Variants in UGT1A6 observed in about 807,000 individuals in gnomAD.
UGT1A6 encodes UDP-glucuronosyltransferase 1A6.
In UGT1A6, 32 loss-of-function variants were observed where a neutral mutation model predicts 44.4. The ratio of observed to expected loss-of-function variants is 0.72; its 90% CI spans 0.54 to 0.97. The LOEUF (loss-of-function observed/expected upper bound fraction) is 0.97. Ranked by LOEUF, UGT1A6 falls within the 50% of genes least tolerant of loss-of-function variation. The pLI is 0.00. For missense variants in UGT1A6, 685 were observed against 661.9 expected (o/e 1.03, Z -0.38); for synonymous variants, 238 against 248.5 (o/e 0.96, Z 0.40).
intron 1 of UGT1A6, among the ~76,000 whole-genome samples, chr2:233,738,200 C>A (rs1199969775): frequency 6.6e-6 from 1 of 152,170 alleles, no homozygotes; most frequent in Non-Finnish European, 1.5e-5. Context: ...CTCTCTCTCA[C>A]TTTCTGCCAG....
chr2:233,729,678 C>T (rs748966468), intron 1 of UGT1A6: 13 of 1,613,930 alleles, frequency 8.1e-6, no homozygotes, highest in Middle Eastern at 1.7e-4. Context: ...ACTTTAAGGG[C>T]ACACAGTGTC....
chr2:233,747,973 T>C, intron 1 of UGT1A6: 1 of 1,613,528 alleles, frequency 6.2e-7, no homozygotes, highest in East Asian at 2.2e-5. Flanking sequence ...CATGCATCTG[T>C]GTGGCTGTTC....
intron 1 of UGT1A6, among the ~76,000 whole-genome samples, chr2:233,723,841 T>C (rs2077133746): frequency 2.6e-5 from 1 of 38,274 alleles, no homozygotes; most frequent in Non-Finnish European, 4.5e-5. Flanking sequence ...GAGCACAGGG[T>C]TGGGGGTAAG....
intron 4 of UGT1A6, chr2:233,770,377 G>C (rs1211488828): frequency 6.6e-6 from 1 of 152,200 alleles, no homozygotes; most frequent in African/African-American, 2.4e-5. Flanking sequence ...GTTCTGGCCA[G>C]GTACGGTGGC....
At chr2:233,740,871 A>C (rs1370147954) in intron 1 of UGT1A6, 1 of 151,850 alleles carries the variant, frequency 6.6e-6, no homozygotes, top group Non-Finnish European at 1.5e-5. Context: ...TCTTTAAATA[A>C]AATGCTCTTG....
intron 1 of UGT1A6, chr2:233,719,003 C>T: frequency 6.2e-7 from 1 of 1,614,256 alleles, no homozygotes; most frequent in Admixed American, 1.7e-5. Context: ...CGGTGGTCCT[C>T]ACCCCAGAGG....
At chr2:233,701,099 T>C (rs2075610283) in intron 1 of UGT1A6, among the ~76,000 whole-genome samples, 2 of 152,224 alleles carry the variant, frequency 1.3e-5, no homozygotes, top group South Asian at 4.1e-4. Flanking sequence ...TGTGCCACAT[T>C]TTCTTAATCC....
intron 1 of UGT1A6, chr2:233,729,371 T>A (rs1158869339): frequency 1.2e-6 from 2 of 1,613,978 alleles, no homozygotes; most frequent in Non-Finnish European, 1.7e-6. Flanking sequence ...ACCTATGCCA[T>A]TTCGTGGACC....
chr2:233,769,515 T>A lies in UGT1A6; in HGVS notation c.1301+1076T>A. The A allele has an allele frequency of 6.2e-7, 1 of 1,612,854 alleles. No homozygotes were observed. Among genetic ancestry groups the A allele is most frequent in the Non-Finnish European group, 8.5e-7 (1 of 1,179,868 alleles). ...TGAGAGTGTCCATTGCTTTCTCCCA[T>A]GGTTACCTCCTTTAGAAAGAAGCAG... On this transcript the variant is annotated intron_variant, in intron 4 of 4. Coordinates refer to ENST00000305139, the MANE Select transcript of UGT1A6 (RefSeq NM_001072.4). This position sits in a 1 kb window ranked among gnomAD's most constrained non-coding sequence, Gnocchi z 4.4.
chr2:233,735,900 C>T (rs1272408320), intron 1 of UGT1A6, among the ~76,000 whole-genome samples: 5 of 152,014 alleles, frequency 3.3e-5, no homozygotes, highest in African/African-American at 9.7e-5. Flanking sequence ...GATGGGCTTC[C>T]CTTTGTGGGT....
At chr2:233,719,313 C>A in intron 1 of UGT1A6, 2 of 1,613,954 alleles carry the variant, frequency 1.2e-6, no homozygotes, top group Non-Finnish European at 1.7e-6. Flanking sequence ...GGCTAAGTAC[C>A]TGTCGATTCC....
In UGT1A6 at chr2:233,760,224, G is replaced by C. The variant is rs873478; in HGVS notation, c.862-6810G>C. 2,101 of 1,586,308 alleles carry C rather than the reference G, an allele frequency of 1.3e-3. 36 individuals are homozygous for C. The East Asian group carries it at 0.037, about 28-fold the overall frequency. ...CAAACATTAACTTGGTGTATCGATT[G>C]GTTTTTGCCATATATATATATATAA... is the stretch of plus-strand genomic sequence containing the variant. On this transcript the variant is annotated intron_variant, in intron 1 of 4. Coordinates refer to ENST00000305139, the MANE Select transcript of UGT1A6 (RefSeq NM_001072.4).
Position 233,769,261 on chromosome 2 carries a change from C to T in UGT1A6, c.1301+822C>T, listed in dbSNP as rs1242622914. ...ATTTGCTCAAATGTGGCCCTGAAAA[C>T]GATTCAAAGGGCAAATGATTTCTGG... On this transcript the variant is annotated intron_variant, in intron 4 of 4. Coordinates refer to ENST00000305139, the MANE Select transcript of UGT1A6 (RefSeq NM_001072.4). This position sits in a 1 kb window ranked among gnomAD's most constrained non-coding sequence, Gnocchi z 4.4. 1.3e-5 allele frequency among the ~76,000 whole-genome samples: 2 copies of T among 152,124 alleles called. No homozygotes were observed. Among genetic ancestry groups the T allele is most frequent in the African/African-American group, 2.4e-5 (1 of 41,420 alleles).
chr2:233,767,896 C>T lies in UGT1A6; in HGVS notation c.1041C>T (p.Asn347=), dbSNP rs1260686155. ...CCCGACCATCGAATCTTGCGAACAACACGATACTTGTTAAGTGGCTACCCC... is the reference window on the plus strand; with the variant it reads ...CCCGACCATCGAATCTTGCGAACAATACGATACTTGTTAAGTGGCTACCCC... ...TGTRPSNLAN[N]TILVKWLPQN... The change falls in exon 3 of 5, where the codon AAC becomes AAT. Residue 347 remains asparagine (N), a synonymous_variant. Transcript: ENST00000305139. 2.5e-6 allele frequency: 4 copies of T among 1,614,050 alleles called. No homozygotes were observed. Among genetic ancestry groups the T allele is most frequent in the African/African-American group, 1.3e-5 (1 of 74,912 alleles).
chr2:233,704,547 A>G (rs1186036983), intron 1 of UGT1A6, among the ~76,000 whole-genome samples: 1 of 152,170 alleles, frequency 6.6e-6, no homozygotes, highest in East Asian at 1.9e-4. Context: ...TGGTGATAAT[A>G]TTACTTTATA....
Position 233,727,952 on chromosome 2 carries a change from C to T in UGT1A6, c.861+34087C>T, listed in dbSNP as rs370815367. On this transcript the variant is annotated intron_variant, in intron 1 of 4. Coordinates refer to ENST00000305139, the MANE Select transcript of UGT1A6 (RefSeq NM_001072.4). ...AAGTGCACACCCCAGACAGCCTGCC[C>T]ACATCATCCTGAGGTGACCAGGACA... 3.3e-5 allele frequency among the ~76,000 whole-genome samples: 5 copies of T among 152,204 alleles called. No homozygotes were observed. In the East Asian group the frequency reaches 7.7e-4, roughly 23 times the overall value.
chr2:233,769,616 G>A lies in UGT1A6; in HGVS notation c.1301+1177G>A, dbSNP rs2126047271. The stretch of plus-strand genomic sequence containing the variant: ...ACGGAACACGGGGACACACCAGCTT[G>A]AGCAAGGGACAACAGGGGAGGACTG... On this transcript the variant is annotated intron_variant, in intron 4 of 4. Transcript: ENST00000305139. This position sits in a 1 kb window ranked among gnomAD's most constrained non-coding sequence, Gnocchi z 4.4. The A allele has an allele frequency of 1.9e-6, 3 of 1,612,698 alleles. No individual in the cohort carries two copies. Among genetic ancestry groups the A allele is most frequent in the East Asian group, 4.5e-5 (2 of 44,884 alleles).
chr2:233,741,255 T>A (rs1029860579), intron 1 of UGT1A6, among the ~76,000 whole-genome samples: 2 of 151,880 alleles, frequency 1.3e-5, no homozygotes, highest in Non-Finnish European at 2.9e-5. Context: ...GGTATGCCAC[T>A]CTTTGCTGAC....
intron 1 of UGT1A6, among the ~76,000 whole-genome samples, chr2:233,745,098 AT>A (rs960304427): frequency 6.6e-6 from 1 of 151,758 alleles, no homozygotes; most frequent in African/African-American, 2.4e-5. Flanking sequence ...CCCCCCAAAT[AT>A]TTTTAATCTG....
Sources: allele counts gnomAD v4.1 joint callset (sites outside exome capture counted in the v4.1 genomes callset), GRCh38; gene constraint gnomAD v4.1.1; non-coding constraint Gnocchi (gnomAD v3.1); transcripts MANE v1.5; gene names NCBI Gene and HGNC (gene_info 2026-07-23, HGNC 2026-07-21).